The following PHKG1 variants were observed in gnomAD, a reference collection of about 807,000 sequenced individuals.
PHKG1 encodes phosphorylase b kinase gamma catalytic chain, skeletal muscle/heart isoform.
Under a neutral mutation model 50.5 loss-of-function variants are expected in PHKG1, and 48 were observed. That is an observed-to-expected ratio of 0.95 (90% CI 0.75 to 1.21). PHKG1 has a LOEUF of 1.21. Among genes scored for constraint, PHKG1 ranks in the 50% most tolerant of loss-of-function variants. The pLI, the probability that PHKG1 is intolerant of heterozygous loss-of-function variation, is 0.00. For synonymous variants in PHKG1, 204 were observed against 212.8 expected (o/e 0.96, Z 0.36); for missense variants, 487 against 519.5 (o/e 0.94, Z 0.61).
chr7:56,087,718 C>T lies in PHKG1; in HGVS notation c.142G>A (p.Val48Met), dbSNP rs368370244. ...CCACCGGTGACGTCGATGACCTTCA[C>T]GGCGTACTCCTGGCTCGTGGGCTTG... ...IHKPTSQEYAVKVIDVTGGGS... is the reference protein window; with the variant it reads ...IHKPTSQEYAMKVIDVTGGGS... The change falls in exon 3 of 10, where the codon GTG (valine) becomes ATG (methionine). Residue 48 changes from valine to methionine, a missense_variant. Val to Met is a conservative substitution (Grantham distance 21). Coordinates refer to ENST00000297373, the MANE Select transcript of PHKG1 (RefSeq NM_006213.5). The T allele has an allele frequency of 4.7e-5, 76 of 1,613,862 alleles. No homozygotes were observed. The highest frequency in any genetic ancestry group is 1.1e-4 in the South Asian group (10 of 91,088).
rs144179452 is a variant in PHKG1 at position 56,086,441 on chromosome 7, G to A, written c.317+529C>T. 3.2e-4 allele frequency among the ~76,000 whole-genome samples: 48 copies of A among 152,226 alleles called. 2 individuals carry two copies. The highest frequency in any genetic ancestry group is 1.1e-3 in the African/African-American group (46 of 41,566). ...TAATCCCAGCACTTTGGGAGGCCGA[G>A]GTGGGAGAATCACGTGAGGCCAAGA... On this transcript the variant is annotated intron_variant, in intron 4 of 9. Transcript: ENST00000297373.
intron 1 of PHKG1, among the ~76,000 whole-genome samples, chr7:56,089,357 A>G (rs889138611): frequency 3.3e-5 from 5 of 151,004 alleles, no homozygotes; most frequent in African/African-American, 1.2e-4. Flanking sequence ...CCGAGATCGC[A>G]TCACTGCCCT....
rs1796109100 is a variant in PHKG1, at chr7:56,083,367, G to A, written c.458C>T (p.Pro153Leu). 6.2e-7 allele frequency: 1 copy of A among 1,614,158 alleles called. No homozygotes were observed. Among genetic ancestry groups the A allele is most frequent in the Non-Finnish European group, 8.5e-7 (1 of 1,180,032 alleles). ...GTTGTCATCCAAGAGAATGTTCTCG[G>A]GCTTCAGGTCCCGGTGCACGATGTT... ...KLNIVHRDLK[P>L]ENILLDDNMN... Residue 153 changes from proline (P) to leucine (L), a missense_variant, in exon 6 of 10, where the codon CCC becomes CTC. Transcript: ENST00000297373.
intron 6 of PHKG1, among the ~76,000 whole-genome samples, chr7:56,082,748 G>A (rs1326688153): frequency 6.6e-6 from 1 of 152,154 alleles, no homozygotes; most frequent in Non-Finnish European, 1.5e-5. Context: ...TGCTTCCCTG[G>A]TCACTTCTAG....
Position 56,081,721 on chromosome 7 carries a change from C to T in PHKG1, c.827G>A (p.Arg276His), listed in dbSNP as rs751430603. 14 of 1,613,932 alleles carry T rather than the reference C, an allele frequency of 8.7e-6. No homozygotes were observed. The East Asian group carries it at 2.0e-4, about 23-fold the overall frequency. ...TGCCAAGGCCTCTTCCGCTGTGTAG[C>T]GGTTCTGGGGTTGCACCACCAGGAA... ...SRFLVVQPQN[R>H]YTAEEALAHP... The change falls in exon 9 of 10, where the codon CGC becomes CAC. Residue 276 changes from arginine (R) to histidine (H), a missense_variant. By Grantham distance (29) the Arg-to-His change is conservative. Transcript: ENST00000297373. This position sits in a 1 kb window ranked among gnomAD's most constrained non-coding sequence, Gnocchi z 4.6.
At chr7:56,091,410 A>G (rs1187199025) in intron 1 of PHKG1, among the ~76,000 whole-genome samples, 3 of 150,468 alleles carry the variant, frequency 2.0e-5, no homozygotes, top group African/African-American at 7.3e-5. Flanking sequence ...CCAGCTACTC[A>G]GGAGGCTGAG....
chr7:56,084,829 T>A (rs188953545), intron 4 of PHKG1, among the ~76,000 whole-genome samples: 1 of 152,214 alleles, frequency 6.6e-6, no homozygotes, highest in East Asian at 1.9e-4. Context: ...AATCTAGTTA[T>A]ACCCTGGAGG....
chr7:56,087,708 A>C lies in PHKG1; in HGVS notation c.152T>G (p.Ile51Ser). Residue 51 changes from isoleucine to serine, a missense_variant, in exon 3 of 10, where the codon ATC becomes AGC. Physicochemically the swap from Ile to Ser is moderately radical, Grantham distance 142 (BLOSUM62 -2). Coordinates refer to ENST00000297373, the MANE Select transcript of PHKG1 (RefSeq NM_006213.5). ...PTSQEYAVKV[I>S]DVTGGGSFSP... The stretch of plus-strand genomic sequence containing the variant: ...GAAGCTGCCTCCACCGGTGACGTCG[A>C]TGACCTTCACGGCGTACTCCTGGCT... 6.2e-7 allele frequency: 1 copy of C among 1,613,904 alleles called. No individual in the cohort carries two copies. The highest frequency in any genetic ancestry group is 8.5e-7 in the Non-Finnish European group (1 of 1,180,020).
intron 6 of PHKG1, among the ~76,000 whole-genome samples, chr7:56,082,873 C>T (rs551686642): frequency 5.9e-5 from 9 of 151,834 alleles, no homozygotes; most frequent in East Asian, 2.0e-4. Flanking sequence ...TTTGGGAGGC[C>T]GAGGCGGGCG....
rs1562875926 is a variant in PHKG1 at position 56,081,482 on chromosome 7, C to T, written c.918+148G>A. 8.1e-7 allele frequency: 1 copy of T among 1,229,916 alleles called. No individual in the cohort carries two copies. Among genetic ancestry groups the T allele is most frequent in the Non-Finnish European group, 1.1e-6 (1 of 876,596 alleles). 76.2% of individuals were successfully genotyped at this position (1,229,916 alleles called of 1,614,324 possible). On this transcript the variant is annotated intron_variant, in intron 9 of 9. Transcript: ENST00000297373. The surrounding 1 kb of genome is among the most constrained non-coding windows in gnomAD (Gnocchi z 4.6). ...AGGGACCGAGCCAGTGGGCTGACACCTGCCGTCTTTGAAGCCATCACAGGG... is the reference window on the plus strand; with the variant it reads ...AGGGACCGAGCCAGTGGGCTGACACTTGCCGTCTTTGAAGCCATCACAGGG...
At chr7:56,084,333 GACCC>G (rs1025835519) in intron 4 of PHKG1, 81 of 690,858 alleles carry the variant, frequency 1.2e-4, no homozygotes, top group Non-Finnish European at 1.7e-4. Flanking sequence ...ACTGGCCCAG[GACCC>G]CAGACCCAGA....
chr7:56,083,043 T>G (rs958056942), intron 6 of PHKG1: 2 of 434,354 alleles, frequency 4.6e-6, no homozygotes, highest in South Asian at 5.7e-5. Context: ...GAGGTGGAAG[T>G]TGCAGTGAGC....
chr7:56,084,076 A>G (rs985148170), intron 4 of PHKG1: 1 of 806,360 alleles, frequency 1.2e-6, no homozygotes. Context: ...CCATTACCCT[A>G]GTTCCAGGCC....
intron 3 of PHKG1, 94 bp downstream of exon 3, chr7:56,087,504 T>C (rs1796306473): frequency 3.3e-5 from 42 of 1,254,356 alleles, no homozygotes; most frequent in Non-Finnish European, 4.5e-5. Context: ...GTGGTTCTAG[T>C]TGGCTGTGCG....
At position 56,082,013 on chromosome 7, in the gene PHKG1, C is replaced by A; in HGVS notation, c.672G>T (p.Leu224=). 1 of 1,613,958 alleles carries A rather than the reference C, an allele frequency of 6.2e-7. No homozygotes were observed. The highest frequency in any genetic ancestry group is 8.5e-7 in the Non-Finnish European group (1 of 1,179,962). The change falls in exon 8 of 10, where the codon CTG becomes CTT. Residue 224 remains leucine (L), a synonymous_variant. Coordinates refer to ENST00000297373, the MANE Select transcript of PHKG1 (RefSeq NM_006213.5). ...WSTGVIMYTL[L]AGSPPFWHRK... ...GGTGCCAGAAGGGCGGGGAGCCGGC[C>A]AGCAGCGTGTACATGATGACGCCAG... is the stretch of plus-strand genomic sequence containing the variant.
At position 56,081,316 on chromosome 7, in the gene PHKG1, A is replaced by G. The variant is rs920536729; in HGVS notation, c.919-17T>C. Reference sequence around the variant, plus strand: ...AGCGATCACCTGCAGGGCCAGGCGGAGAAGCTGGGCTGCAGCCCCCGCCCT... The same window carrying G: ...AGCGATCACCTGCAGGGCCAGGCGGGGAAGCTGGGCTGCAGCCCCCGCCCT... On this transcript the variant is annotated splice_polypyrimidine_tract_variant and intron_variant, in intron 9 of 9. Transcript: ENST00000297373. The surrounding 1 kb of genome is among the most constrained non-coding windows in gnomAD (Gnocchi z 4.6). 10 of 1,596,428 alleles carry G rather than the reference A, an allele frequency of 6.3e-6. No homozygotes were observed. Among genetic ancestry groups the G allele is most frequent in the Non-Finnish European group, 6.8e-6 (8 of 1,176,256 alleles).
intron 6 of PHKG1, 108 bp downstream of exon 6, chr7:56,083,170 A>G: frequency 1.0e-6 from 1 of 970,030 alleles, no homozygotes; most frequent in Non-Finnish European, 1.5e-6. Context: ...TGGAATTTTT[A>G]TTCCAGGGAA....
At chr7:56,084,869 C>T (rs796157192) in intron 4 of PHKG1, among the ~76,000 whole-genome samples, 10 of 152,302 alleles carry the variant, frequency 6.6e-5, no homozygotes, top group African/African-American at 1.9e-4. Flanking sequence ...AAAATAGCTT[C>T]CCCCAGCAAC....
intron 4 of PHKG1, among the ~76,000 whole-genome samples, chr7:56,085,167 C>G (rs951023294): frequency 6.6e-6 from 1 of 152,134 alleles, no homozygotes; most frequent in African/African-American, 2.4e-5. Flanking sequence ...TGCCATGTTG[C>G]CCAGGCTGGT....
Sources: gnomAD v4.1 joint callset for allele counts (sites outside exome capture counted in the v4.1 genomes callset) on GRCh38, gnomAD v4.1.1 for gene constraint, Gnocchi (gnomAD v3.1) non-coding constraint, MANE v1.5 for transcripts, NCBI Gene and HGNC (gene_info 2026-07-23, HGNC 2026-07-21) for gene names.